Variants in CHCHD6 observed in about 807,000 individuals in gnomAD.
CHCHD6 encodes the protein MICOS complex subunit MIC25.
CHCHD6 carries 28 observed loss-of-function variants against 32.3 expected under a neutral mutation model. That is an observed-to-expected ratio of 0.87 (90% CI 0.64 to 1.19). The LOEUF is 1.19. CHCHD6 is among the 50% of genes most tolerant of loss of function. The pLI is 0.00. For synonymous variants in CHCHD6, 122 were observed against 117.5 expected (o/e 1.04, Z -0.25); for missense variants, 333 against 307.0 (o/e 1.08, Z -0.63).
chr3:126,729,632 TG>T (rs35765943), intron 2 of CHCHD6, among the ~76,000 whole-genome samples: 3 of 152,142 alleles, frequency 2.0e-5, no homozygotes, highest in Admixed American at 1.3e-4. Flanking sequence ...CTGAGGAGCA[TG>T]GGAGGTGCTC....
At chr3:126,709,272 G>C (rs901125952) in intron 1 of CHCHD6, among the ~76,000 whole-genome samples, 1 of 152,118 alleles carries the variant, frequency 6.6e-6, no homozygotes, top group South Asian at 2.1e-4. Flanking sequence ...AAGTGTTTTT[G>C]ATGTTGGTTC....
intron 1 of CHCHD6, among the ~76,000 whole-genome samples, chr3:126,719,386 C>T (rs1295537239): frequency 6.6e-6 from 1 of 152,198 alleles, no homozygotes; most frequent in African/African-American, 2.4e-5. Flanking sequence ...GGCTTCTTGC[C>T]CCCCCTGCCC....
chr3:126,706,510 C>T (rs571830267), intron 1 of CHCHD6, among the ~76,000 whole-genome samples: 1 of 152,162 alleles, frequency 6.6e-6, no homozygotes, highest in Non-Finnish European at 1.5e-5. Flanking sequence ...ATGATAGTGC[C>T]CCACTTAGTT....
intron 6 of CHCHD6, among the ~76,000 whole-genome samples, chr3:126,946,499 C>T (rs1469532277): frequency 6.6e-6 from 1 of 152,152 alleles, no homozygotes; most frequent in Non-Finnish European, 1.5e-5. Context: ...GCAATGCACC[C>T]CCAGGCTCTC....
At chr3:126,958,799 C>A (rs745651628) in intron 7 of CHCHD6, among the ~76,000 whole-genome samples, 1 of 152,200 alleles carries the variant, frequency 6.6e-6, no homozygotes, top group Non-Finnish European at 1.5e-5. Flanking sequence ...TCTGCTTCCA[C>A]GTGGGCAGGA....
At chr3:126,730,389 C>T (rs1935736563) in intron 2 of CHCHD6, among the ~76,000 whole-genome samples, 172 bp from the exon 3 acceptor site, 1 of 152,166 alleles carries the variant, frequency 6.6e-6, no homozygotes, top group Non-Finnish European at 1.5e-5. Context: ...CAGCTTGAAT[C>T]AAGGGTGTTC....
At chr3:126,815,910 T>C (rs1490046662) in intron 4 of CHCHD6, among the ~76,000 whole-genome samples, 1 of 152,182 alleles carries the variant, frequency 6.6e-6, no homozygotes, top group Non-Finnish European at 1.5e-5. Context: ...CCTCCCCATT[T>C]GCAGAACACT....
At chr3:126,878,111 A>G (rs1378377024) in intron 5 of CHCHD6, among the ~76,000 whole-genome samples, 1 of 152,228 alleles carries the variant, frequency 6.6e-6, no homozygotes, top group African/African-American at 2.4e-5. Flanking sequence ...CAGAAGGTGC[A>G]AAAATGGAAT....
At chr3:126,914,150 C>G (rs566067545) in intron 5 of CHCHD6, among the ~76,000 whole-genome samples, 1 of 152,356 alleles carries the variant, frequency 6.6e-6, no homozygotes, top group African/African-American at 2.4e-5. Flanking sequence ...GTAGTCCTTA[C>G]ACTGCCCCGT....
At chr3:126,951,106 G>A (rs1296348364) in intron 6 of CHCHD6, among the ~76,000 whole-genome samples, 1 of 152,120 alleles carries the variant, frequency 6.6e-6, no homozygotes, top group South Asian at 2.1e-4. Flanking sequence ...TGGTTCCCCC[G>A]GGCTGTTCTC....
At chr3:126,878,568 A>C (rs1302914738) in intron 5 of CHCHD6, among the ~76,000 whole-genome samples, 1 of 152,252 alleles carries the variant, frequency 6.6e-6, no homozygotes, top group Non-Finnish European at 1.5e-5. Flanking sequence ...CTGATATAAA[A>C]CATATGGAAG....
intron 4 of CHCHD6, among the ~76,000 whole-genome samples, chr3:126,823,894 C>A (rs567287834): frequency 2.6e-5 from 4 of 151,864 alleles, no homozygotes; most frequent in African/African-American, 9.7e-5. Flanking sequence ...AAAACAAAAA[C>A]AAAAACAAAA....
chr3:126,727,601 A>G (rs1179561349), intron 2 of CHCHD6, among the ~76,000 whole-genome samples: 3 of 152,194 alleles, frequency 2.0e-5, no homozygotes, highest in Non-Finnish European at 4.4e-5. Flanking sequence ...TCAGTGATTT[A>G]GGCGCCTACC....
intron 5 of CHCHD6, among the ~76,000 whole-genome samples, chr3:126,883,768 G>T (rs1490894866): frequency 6.6e-6 from 1 of 152,144 alleles, no homozygotes; most frequent in Non-Finnish European, 1.5e-5. Context: ...TTTTCTTTAT[G>T]CAATAATGCT....
Position 126,960,337 on chromosome 3 carries a change from GT to G in CHCHD6, c.*139del. 1 of 1,004,760 alleles carries G rather than the reference GT, an allele frequency of 1.0e-6. No homozygotes were observed. Among genetic ancestry groups the G allele is most frequent in the Non-Finnish European group, 1.5e-6 (1 of 663,942 alleles). The allele number at this position is 1,004,760 out of a possible 1,614,324, so 62.2% of individuals were successfully genotyped here. ...GCCCCTGAGCCTGGGGCTGCCACGT[GT>G]TTAGGAAACAAAGTATGCGCTACTG... On this transcript the variant is annotated 3_prime_UTR_variant, in exon 8 of 8. Transcript: ENST00000290913.
chr3:126,906,574 T>G (rs2078009954), intron 5 of CHCHD6, among the ~76,000 whole-genome samples: 1 of 152,176 alleles, frequency 6.6e-6, no homozygotes, highest in Non-Finnish European at 1.5e-5. Flanking sequence ...GACTTACTTT[T>G]CTCGTTCACA....
chr3:126,938,600 T>C (rs528308888), intron 6 of CHCHD6, among the ~76,000 whole-genome samples: 82 of 152,154 alleles, frequency 5.4e-4, no homozygotes, highest in Non-Finnish European at 9.3e-4. Flanking sequence ...CTGGTGCCAA[T>C]AAGGTTTTAA....
chr3:126,944,141 A>C (rs2078601520), intron 6 of CHCHD6, among the ~76,000 whole-genome samples: 1 of 152,256 alleles, frequency 6.6e-6, no homozygotes, highest in Non-Finnish European at 1.5e-5. Flanking sequence ...CACACCTGGC[A>C]ATAGGCGCTG....
chr3:126,831,616 C>T (rs888483219), intron 4 of CHCHD6, among the ~76,000 whole-genome samples: 4 of 152,088 alleles, frequency 2.6e-5, no homozygotes, highest in African/African-American at 7.2e-5. Flanking sequence ...ATATCTGGTG[C>T]GGTGGAAAAT....
Sources: gnomAD v4.1 joint callset for allele counts (sites outside exome capture counted in the v4.1 genomes callset) on GRCh38, gnomAD v4.1.1 for gene constraint, MANE v1.5 for transcripts, NCBI Gene and HGNC (gene_info 2026-07-23, HGNC 2026-07-21) for gene names.